Variants in MARCO observed in about 807,000 individuals in gnomAD.
MARCO encodes the protein macrophage receptor MARCO.
MARCO carries 72 observed loss-of-function variants against 70.0 expected under a neutral mutation model. That is an observed-to-expected ratio of 1.03 (90% CI 0.85 to 1.25). MARCO has a LOEUF of 1.25. Among genes scored for constraint, MARCO ranks in the 50% most tolerant of loss-of-function variants. MARCO has a pLI of 0.00. For synonymous variants in MARCO, 273 were observed against 243.1 expected, an observed-to-expected ratio of 1.12 and a Z score of -1.14; for missense variants, 696 against 659.3, an observed-to-expected ratio of 1.06 and a Z score of -0.61.
rs1371409196 is a variant in MARCO at position 118,981,439 on chromosome 2, A to T, written c.797A>T (p.Asp266Val). The stretch of plus-strand genomic sequence containing the variant: ...AAAGGGGACAGGGGCATGAAAGGAG[A>T]TGCAGGGGTCATGGGGCCTCCTGGA... ...GSKGDRGMKG[D>V]AGVMGPPGAQ... The change falls in exon 9 of 17, where the codon GAT becomes GTT. Residue 266 changes from aspartate (D) to valine (V), a missense_variant. Around this residue, in one of 3 missense-constraint regions of MARCO, gnomAD observed 605 missense variants for 537.6 expected, o/e 1.13. Coordinates refer to ENST00000327097, the MANE Select transcript of MARCO (RefSeq NM_006770.4). 16 of 1,599,336 alleles carry T rather than the reference A, an allele frequency of 1.0e-5. No individual in the cohort carries two copies. The highest frequency in any genetic ancestry group is 1.4e-5 in the Non-Finnish European group (16 of 1,176,862).
chr2:118,969,413 A>G, intron 2 of MARCO, 152 bp downstream of exon 2: 1 of 632,160 alleles, frequency 1.6e-6, no homozygotes, highest in Non-Finnish European at 2.8e-6. Flanking sequence ...AGCCACAGTG[A>G]TGAGAGGAGC....
intron 1 of MARCO, among the ~76,000 whole-genome samples, chr2:118,950,636 C>T (rs6739998): frequency 0.043 from 6,498 of 152,218 alleles, 480 homozygotes; most frequent in African/African-American, 0.15. Context: ...GCATAAATTC[C>T]CTTTTATAAT....
At chr2:118,971,632 C>G (rs1680173866) in intron 4 of MARCO, 98 bp downstream of exon 4, 2 of 1,188,396 alleles carry the variant, frequency 1.7e-6, no homozygotes, top group Non-Finnish European at 2.4e-6. Flanking sequence ...ACAGCTGACC[C>G]TAGCTTACCT....
At chr2:118,976,697 C>A (rs1223203514) in intron 6 of MARCO, among the ~76,000 whole-genome samples, 3 of 152,206 alleles carry the variant, frequency 2.0e-5, no homozygotes, top group Admixed American at 2.0e-4. Flanking sequence ...CCCCATTTTA[C>A]AGATGAGAAA....
chr2:118,943,254 G>C (rs934551768), intron 1 of MARCO, among the ~76,000 whole-genome samples: 8 of 152,210 alleles, frequency 5.3e-5, no homozygotes, highest in African/African-American at 1.7e-4. Flanking sequence ...CAAAGATGAA[G>C]CGTCTGGGGC....
chr2:118,946,822 T>C (rs1347030284), intron 1 of MARCO, among the ~76,000 whole-genome samples: 3 of 152,262 alleles, frequency 2.0e-5, no homozygotes, highest in Non-Finnish European at 4.4e-5. Context: ...CTCGTCAACA[T>C]TTGACATTAT....
At chr2:118,990,064 T>C (rs1680591967) in intron 12 of MARCO, among the ~76,000 whole-genome samples, 1 of 152,180 alleles carries the variant, frequency 6.6e-6, no homozygotes, top group Non-Finnish European at 1.5e-5. Flanking sequence ...TATTTTTCCA[T>C]TTTCTGGACA....
intron 8 of MARCO, among the ~76,000 whole-genome samples, chr2:118,980,903 CTGA>C (rs967862636): frequency 1.6e-4 from 25 of 152,144 alleles, no homozygotes; most frequent in Non-Finnish European, 8.8e-5. Flanking sequence ...GCTCTGAATT[CTGA>C]TGATAAGTGG....
chr2:118,992,499 T>A, intron 15 of MARCO, 23 bp downstream of exon 15: 3 of 1,588,310 alleles, frequency 1.9e-6, no homozygotes, highest in Non-Finnish European at 2.6e-6. Context: ...TATATTATCT[T>A]TAATGTGTGC....
intron 3 of MARCO, among the ~76,000 whole-genome samples, 199 bp from the exon 4 acceptor site, chr2:118,971,300 G>A (rs2278589): frequency 0.31 from 46,482 of 152,004 alleles, 9,497 homozygotes; most frequent in African/African-American, 0.57. Context: ...AGTTGCAGCT[G>A]AGCATCTGGC....
At chr2:118,988,166 A>G (rs116330536) in intron 12 of MARCO, among the ~76,000 whole-genome samples, 5,013 of 152,282 alleles carry the variant, frequency 0.033, 139 homozygotes, top group Non-Finnish European at 0.045. Context: ...GGCGTGATGC[A>G]GGCAGCAGAA....
rs560332861 is a variant in MARCO, at chr2:118,969,366, T to G, written c.199+105T>G. ...GGTTGAGTGGAGAGCCTCGGGCCAC[T>G]GCTCCCATCTGCTGGGAGACAGTCT... On this transcript the variant is annotated intron_variant, in intron 2 of 16. Coordinates refer to ENST00000327097, the MANE Select transcript of MARCO (RefSeq NM_006770.4). 7 of 768,344 alleles carry G rather than the reference T, an allele frequency of 9.1e-6. No individual in the cohort carries two copies. In the East Asian group the frequency reaches 1.5e-4, roughly 17 times the overall value. The allele number at this position is 768,344 out of a possible 1,614,324, so 47.6% of individuals were successfully genotyped here.
rs1316720270 is a variant in MARCO at position 118,974,340 on chromosome 2, A to G, written c.468A>G (p.Gln156=). 3 of 1,597,904 alleles carry G rather than the reference A, an allele frequency of 1.9e-6. No individual in the cohort carries two copies. The highest frequency in any genetic ancestry group is 1.1e-5 in the South Asian group (1 of 88,330). Residue 156 remains glutamine, a synonymous_variant, in exon 5 of 17, where the codon CAA becomes CAG. Transcript: ENST00000327097. ...TCTGTTCCTCTTCCTCAGGTCTTCA[A>G]GGTCACAAGGGGGCCATGGGCATGC... ...IKGEQGAPGL[Q]GHKGAMGMPG... is the part of the protein sequence containing the mutation.
At chr2:118,950,538 T>C (rs1679702197) in intron 1 of MARCO, among the ~76,000 whole-genome samples, 1 of 152,232 alleles carries the variant, frequency 6.6e-6, no homozygotes, top group African/African-American at 2.4e-5. Flanking sequence ...TTTATTTTGC[T>C]TTCCTTACAT....
chr2:118,988,169 C>T (rs1680551112), intron 12 of MARCO, among the ~76,000 whole-genome samples: 1 of 152,088 alleles, frequency 6.6e-6, no homozygotes, highest in Admixed American at 6.6e-5. Flanking sequence ...GTGATGCAGG[C>T]AGCAGAAAAT....
At chr2:118,967,548 G>A (rs1280268362) in intron 1 of MARCO, among the ~76,000 whole-genome samples, 1 of 152,068 alleles carries the variant, frequency 6.6e-6, no homozygotes. Context: ...TGGGGGGTAG[G>A]GTGCAGAGGA....
intron 1 of MARCO, among the ~76,000 whole-genome samples, 168 bp from the exon 2 acceptor site, chr2:118,968,992 G>A (rs1054344876): frequency 1.3e-5 from 2 of 152,186 alleles, no homozygotes; most frequent in South Asian, 2.1e-4. Context: ...TTGCTTTGTG[G>A]CAAGAAAGAG....
intron 12 of MARCO, among the ~76,000 whole-genome samples, chr2:118,988,862 A>C (rs1680563597): frequency 6.6e-6 from 1 of 152,000 alleles, no homozygotes; most frequent in Admixed American, 6.5e-5. Flanking sequence ...CCTGGAGGGG[A>C]CACAGGACAC....
At chr2:118,962,542 C>T (rs1220299269) in intron 1 of MARCO, among the ~76,000 whole-genome samples, 1 of 151,956 alleles carries the variant, frequency 6.6e-6, no homozygotes, top group African/African-American at 2.4e-5. Context: ...ATTTTTGTGT[C>T]AAAGTTCATG....
Sources: allele counts gnomAD v4.1 joint callset (sites outside exome capture counted in the v4.1 genomes callset), GRCh38; gene constraint gnomAD v4.1.1; regional missense constraint gnomAD v4.1.1; transcripts MANE v1.5; gene names NCBI Gene and HGNC (gene_info 2026-07-23, HGNC 2026-07-21).